AAK1: variants seen among roughly 807,000 people sequenced by gnomAD.
The protein encoded by AAK1 is AP2 associated kinase 1.
Under a neutral mutation model 116.0 loss-of-function variants are expected in AAK1, and 37 were observed. The observed-to-expected ratio is 0.32, with a 90% CI of 0.25 to 0.42. The LOEUF is 0.42. Ranked by LOEUF, AAK1 falls within the 10% of genes least tolerant of loss-of-function variation. The pLI is 1.00. For missense variants in AAK1, 919 were observed against 1,170.6 expected (o/e 0.79, Z 3.14); for synonymous variants, 458 against 439.9 (o/e 1.04, Z -0.51).
In AAK1 at chr2:69,468,109, A is replaced by C. The variant is rs1674549142; in HGVS notation, c.*7760T>G. ...GCTTTCAGAATAGTATTTGAAGAAT[A>C]AGATTTTGAAAAGAATAAATTTTTC... On this transcript the variant is annotated 3_prime_UTR_variant, in exon 22 of 22. Transcript: ENST00000409085. 8 of 985,366 alleles carry C rather than the reference A, an allele frequency of 8.1e-6. No individual in the cohort carries two copies. Among genetic ancestry groups the C allele is most frequent in the Non-Finnish European group, 9.6e-6 (8 of 829,836 alleles). 61.0% of individuals were successfully genotyped at this position (985,366 alleles called of 1,614,324 possible). A position where few individuals can be genotyped will look rare whatever the true frequency, so the allele number is the denominator to read the frequency against.
At chr2:69,598,969 A>G in intron 2 of AAK1, 2 of 425,710 alleles carry the variant, frequency 4.7e-6, no homozygotes, top group Non-Finnish European at 9.5e-6. Flanking sequence ...ACATTCTACC[A>G]AAAGCCTAGA....
At position 69,465,712 on chromosome 2, in the gene AAK1, T is replaced by C. The variant is rs748436986; in HGVS notation, c.*10157A>G. On this transcript the variant is annotated 3_prime_UTR_variant, in exon 22 of 22. Coordinates refer to ENST00000409085, the MANE Select transcript of AAK1 (RefSeq NM_014911.5). ...TTCTGGAGCTGAGGTCCTTTGTTTC[T>C]GTCATTAGAATGACCCCCAGATTCC... The C allele has an allele frequency of 6.2e-6, 8 of 1,290,932 alleles. No homozygotes were observed. The highest frequency in any genetic ancestry group is 2.5e-5 in the South Asian group (2 of 81,034). 80.0% of individuals were successfully genotyped at this position (1,290,932 alleles called of 1,614,324 possible).
chr2:69,542,320 T>C (rs1279916009), intron 5 of AAK1, among the ~76,000 whole-genome samples: 2 of 152,160 alleles, frequency 1.3e-5, no homozygotes, highest in African/African-American at 4.8e-5. Context: ...TTATAAAGAA[T>C]TTCTGGAGGC....
rs2104878081 is a variant in AAK1, at chr2:69,474,005, C to T, written c.*1864G>A. ...GTTTTGGAAATGGTCTGTTATTCAA[C>T]TAGAGGCCTTTACCTAGCTCATCTT... On this transcript the variant is annotated 3_prime_UTR_variant, in exon 22 of 22. Transcript: ENST00000409085. The T allele has an allele frequency of 1.0e-6, 1 of 985,796 alleles. No individual in the cohort carries two copies. The highest frequency in any genetic ancestry group is 6.1e-5 in the Admixed American group (1 of 16,280). 61.1% of individuals were successfully genotyped at this position (985,796 alleles called of 1,614,324 possible). A position where few individuals can be genotyped will look rare whatever the true frequency, so the allele number is the denominator to read the frequency against.
chr2:69,547,874 C>T (rs1019218137), intron 3 of AAK1, among the ~76,000 whole-genome samples: 1 of 152,084 alleles, frequency 6.6e-6, no homozygotes, highest in Non-Finnish European at 1.5e-5. Flanking sequence ...AAATGTGGTA[C>T]ATTCATACAA....
chr2:69,529,194 A>G (rs1670142127), intron 8 of AAK1, among the ~76,000 whole-genome samples: 1 of 152,236 alleles, frequency 6.6e-6, no homozygotes, highest in Admixed American at 6.5e-5. Flanking sequence ...GTAGGCCCTC[A>G]ACAAATGTCA....
chr2:69,518,175 T>C (rs966929979), intron 12 of AAK1, among the ~76,000 whole-genome samples: 1 of 151,742 alleles, frequency 6.6e-6, no homozygotes, highest in African/African-American at 2.4e-5. Flanking sequence ...TAGTAAAAAA[T>C]GTGAAAAAAA....
At chr2:69,493,041 A>C (rs1401439708) in intron 17 of AAK1, among the ~76,000 whole-genome samples, 1 of 151,532 alleles carries the variant, frequency 6.6e-6, no homozygotes, top group African/African-American at 2.4e-5. Context: ...AAAATGTTAA[A>C]AAAGGATGCA....
chr2:69,474,834 A>G lies in AAK1; in HGVS notation c.*1035T>C, dbSNP rs1407838467. 1.0e-6 allele frequency: 1 copy of G among 985,744 alleles called. No individual in the cohort carries two copies. The allele number at this position is 985,744 out of a possible 1,614,324, so 61.1% of individuals were successfully genotyped here. On this transcript the variant is annotated 3_prime_UTR_variant, in exon 22 of 22. Transcript: ENST00000409085. ...TCAAAACCCTGTACAGACACCTGAT[A>G]TCAGACTTGAAATGCCAAGTGGAAA...
intron 2 of AAK1, among the ~76,000 whole-genome samples, chr2:69,558,852 A>G (rs1373047396): frequency 6.6e-6 from 1 of 152,176 alleles, no homozygotes; most frequent in Admixed American, 6.6e-5. Flanking sequence ...TAATTCCCCC[A>G]AGGCTCAGCG....
chr2:69,634,063 G>C (rs1394969304), intron 2 of AAK1, among the ~76,000 whole-genome samples: 1 of 152,284 alleles, frequency 6.6e-6, no homozygotes. Flanking sequence ...CCAGCTACTC[G>C]AGAGGCTGAG....
At chr2:69,621,383 G>A (rs1020490669) in intron 2 of AAK1, among the ~76,000 whole-genome samples, 4 of 152,128 alleles carry the variant, frequency 2.6e-5, no homozygotes, top group Non-Finnish European at 5.9e-5. Flanking sequence ...GGAGGCCGAG[G>A]CAGAAGAATC....
At position 69,600,718 on chromosome 2, in the gene AAK1, T is replaced by G. The variant is rs903136661; in HGVS notation, c.163+42160A>C. ...TTAGCTGATAAAGCAGCAGCAGAGT[T>G]TGGGAGGGATGACTCCAATTTTAAA... is the stretch of plus-strand genomic sequence containing the variant. On this transcript the variant is annotated intron_variant, in intron 2 of 21. Transcript: ENST00000409085. Among the ~76,000 whole-genome samples, 4 of 152,188 alleles carry G rather than the reference T, an allele frequency of 2.6e-5. No homozygotes were observed. The East Asian group carries it at 7.7e-4, about 29-fold the overall frequency.
chr2:69,504,360 T>C lies in AAK1; in HGVS notation c.2269+1209A>G, dbSNP rs545613972. Among the ~76,000 whole-genome samples the C allele has an allele frequency of 1.9e-4, 25 of 132,152 alleles. No individual in the cohort carries two copies. In the South Asian group the frequency reaches 3.5e-3, roughly 18 times the overall value. The allele number at this position is 132,152 out of a possible 152,430, so 86.7% of individuals were successfully genotyped here. On this transcript the variant is annotated intron_variant, in intron 16 of 21. Transcript: ENST00000409085. ...TTGCAGTGAGCCGAGACTGTGCCAC[T>C]GCACTCCAGCCTGGGCGACAGAATG...
At chr2:69,594,945 C>T (rs1673200587) in intron 2 of AAK1, 3 of 953,180 alleles carry the variant, frequency 3.1e-6, no homozygotes, top group Non-Finnish European at 5.1e-6. Flanking sequence ...TGTCATAACG[C>T]CACTTTCCCT....
At chr2:69,538,774 C>T (rs1227517456) in intron 5 of AAK1, among the ~76,000 whole-genome samples, 5 of 151,954 alleles carry the variant, frequency 3.3e-5, no homozygotes, top group African/African-American at 7.3e-5. Context: ...CCCAGCTACT[C>T]GGGAGGCTGA....
chr2:69,569,130 TC>T (rs1052531466), intron 2 of AAK1, among the ~76,000 whole-genome samples: 2 of 152,196 alleles, frequency 1.3e-5, no homozygotes, highest in African/African-American at 4.8e-5. Flanking sequence ...ATGGAATGAC[TC>T]CTCTTAAAAG....
intron 17 of AAK1, among the ~76,000 whole-genome samples, chr2:69,483,239 C>T (rs1246442421): frequency 3.3e-5 from 5 of 152,154 alleles, no homozygotes; most frequent in Non-Finnish European, 7.3e-5. Flanking sequence ...TTCCTCTCAC[C>T]ACAGACCCTG....
intron 2 of AAK1, among the ~76,000 whole-genome samples, chr2:69,561,533 A>C (rs575049151): frequency 1.3e-5 from 2 of 152,248 alleles, no homozygotes; most frequent in African/African-American, 4.8e-5. Context: ...CTTTCACAAG[A>C]ATGCACAGAG....
Sources: allele counts gnomAD v4.1 joint callset (sites outside exome capture counted in the v4.1 genomes callset), GRCh38; gene constraint gnomAD v4.1.1; transcripts MANE v1.5; gene names NCBI Gene and HGNC (gene_info 2026-07-23, HGNC 2026-07-21).